Variants in HMCN1 observed in about 807,000 individuals in gnomAD.
HMCN1 encodes hemicentin-1.
In HMCN1, 321 loss-of-function variants were observed where a neutral mutation model predicts 625.9. The ratio of observed to expected loss-of-function variants is 0.51; its 90% confidence interval spans 0.47 to 0.56. The LOEUF is 0.56. Among genes scored for constraint, HMCN1 ranks in the 20% least tolerant of loss-of-function variants. The pLI is 0.00. For synonymous variants in HMCN1, 2,425 were observed against 2,417.6 expected (o/e 1.00, Z -0.09); for missense variants, 6,588 against 6,887.3 (o/e 0.96, Z 1.54).
intron 29 of HMCN1, among the ~76,000 whole-genome samples, chr1:186,005,015 T>C (rs1057046061): frequency 2.0e-5 from 3 of 150,934 alleles, no homozygotes; most frequent in South Asian, 2.1e-4. Flanking sequence ...CTGACACCAT[T>C]GATATATTAA....
intron 11 of HMCN1, among the ~76,000 whole-genome samples, chr1:185,948,207 G>A (rs552013993): frequency 6.6e-6 from 1 of 152,148 alleles, no homozygotes; most frequent in Non-Finnish European, 1.5e-5. Context: ...AAATTCGAAT[G>A]TTCTTTCAGT....
In HMCN1 at chr1:185,967,708, C is replaced by G. The variant is rs540116076; in HGVS notation, c.2212+1793C>G. The stretch of plus-strand genomic sequence containing the variant: ...AGGGGGTTAGGAGCAGGTGGGCTTT[C>G]CAGTCCCACCTCTGCTGAGGACAAG... On this transcript the variant is annotated intron_variant, in intron 14 of 106. Coordinates refer to ENST00000271588, the MANE Select transcript of HMCN1 (RefSeq NM_031935.3). Among the ~76,000 whole-genome samples, 5 of 151,752 alleles carry G rather than the reference C, an allele frequency of 3.3e-5. No homozygotes were observed. In the South Asian group the frequency reaches 1.0e-3, roughly 32 times the overall value.
intron 17 of HMCN1, among the ~76,000 whole-genome samples, chr1:185,981,678 T>C (rs1392423429): frequency 6.6e-6 from 1 of 152,158 alleles, no homozygotes; most frequent in Non-Finnish European, 1.5e-5. Context: ...TTAAAATATG[T>C]CTTCATTAGT....
chr1:186,026,277 A>G (rs572201989), intron 36 of HMCN1, among the ~76,000 whole-genome samples: 74 of 152,348 alleles, frequency 4.9e-4, no homozygotes, highest in South Asian at 1.9e-3. Flanking sequence ...GTGGAAAACT[A>G]TATAAGAATA....
chr1:186,050,174 AG>A (rs1428810745), intron 42 of HMCN1, among the ~76,000 whole-genome samples: 1 of 151,690 alleles, frequency 6.6e-6, no homozygotes, highest in African/African-American at 2.4e-5. Context: ...GAGAAAAAAA[AG>A]AGAGAAAAAA....
chr1:186,075,675 A>AT (rs1484727025), intron 53 of HMCN1, among the ~76,000 whole-genome samples: 1 of 152,126 alleles, frequency 6.6e-6, no homozygotes, highest in African/African-American at 2.4e-5. Context: ...TTTAATAATT[A>AT]TGTCTGTTTC....
intron 68 of HMCN1, among the ~76,000 whole-genome samples, chr1:186,096,600 A>G (rs1341069258): frequency 6.6e-6 from 1 of 152,134 alleles, no homozygotes; most frequent in East Asian, 1.9e-4. Flanking sequence ...GGCAAAAGAA[A>G]ACTACAACCC....
At chr1:185,928,918 C>T (rs541330680) in intron 10 of HMCN1, among the ~76,000 whole-genome samples, 21 of 152,058 alleles carry the variant, frequency 1.4e-4, no homozygotes, top group Admixed American at 1.0e-3. Context: ...TAACAAGAAC[C>T]GTCTCATGGG....
chr1:186,087,676 G>A (rs752493543), intron 60 of HMCN1, 31 bp downstream of exon 60: 1 of 1,593,218 alleles, frequency 6.3e-7, no homozygotes, highest in Non-Finnish European at 8.6e-7. Flanking sequence ...TGAGTGTCAT[G>A]ACACCTTGGT....
chr1:185,927,629 G>T (rs754119558), intron 9 of HMCN1, among the ~76,000 whole-genome samples: 1 of 152,078 alleles, frequency 6.6e-6, no homozygotes, highest in Non-Finnish European at 1.5e-5. Flanking sequence ...GATGGGGAGC[G>T]ATCTAGAGAT....
At chr1:186,059,642 C>T (rs1429890475) in intron 46 of HMCN1, among the ~76,000 whole-genome samples, 2 of 152,034 alleles carry the variant, frequency 1.3e-5, no homozygotes, top group Non-Finnish European at 2.9e-5. Context: ...GGTCTTCAGT[C>T]TCCTGTACAT....
intron 89 of HMCN1, among the ~76,000 whole-genome samples, chr1:186,139,593 G>C (rs539276270): frequency 1.3e-4 from 20 of 148,844 alleles, no homozygotes; most frequent in Admixed American, 4.7e-4. Context: ...TATTCTATTG[G>C]CTTGTTTTTT....
intron 15 of HMCN1, among the ~76,000 whole-genome samples, chr1:185,975,081 C>T (rs532827637): frequency 1.3e-4 from 20 of 152,256 alleles, no homozygotes; most frequent in African/African-American, 4.1e-4. Flanking sequence ...TGTCCATCAC[C>T]GCATTTACCT....
intron 52 of HMCN1, among the ~76,000 whole-genome samples, chr1:186,071,270 G>T (rs1490066662): frequency 1.3e-5 from 2 of 152,026 alleles, no homozygotes; most frequent in African/African-American, 4.8e-5. Flanking sequence ...TTTACAAAAG[G>T]TAATGTTTTA....
At chr1:185,853,424 C>T (rs1372274199) in intron 2 of HMCN1, among the ~76,000 whole-genome samples, 1 of 152,136 alleles carries the variant, frequency 6.6e-6, no homozygotes, top group African/African-American at 2.4e-5. Context: ...GGTACTATAT[C>T]TACTGTAGGT....
chr1:186,093,800 T>C, intron 66 of HMCN1, 131 bp downstream of exon 66: 2 of 1,215,390 alleles, frequency 1.6e-6, no homozygotes, highest in South Asian at 2.7e-5. Context: ...TTAAGTATAT[T>C]TTTAGTAGAG....
chr1:186,151,252 AT>A lies in HMCN1; in HGVS notation c.14664del (p.Phe4888LeufsTer10). On this transcript the variant is annotated frameshift_variant, in exon 94 of 107. Coordinates refer to ENST00000271588, the MANE Select transcript of HMCN1 (RefSeq NM_031935.3). LOFTEE classifies it high-confidence loss of function. Reference protein sequence around the residue: ...SVIGNINDVEFGIAFLNATIT... With the variant: ...SVIGNINDVEXGIAFLNATIT... Reference sequence around the variant, plus strand: ...TTATTGGAAATATTAATGATGTTGAATTTGGAATTGCTTTCCTTAATGCCAC... The same window carrying A: ...TTATTGGAAATATTAATGATGTTGAATTGGAATTGCTTTCCTTAATGCCAC... 6.2e-7 allele frequency: 1 copy of A among 1,613,872 alleles called. No individual in the cohort carries two copies. The highest frequency in any genetic ancestry group is 8.5e-7 in the Non-Finnish European group (1 of 1,179,788).
intron 1 of HMCN1, among the ~76,000 whole-genome samples, chr1:185,742,776 A>G (rs1378658243): frequency 6.6e-6 from 1 of 152,218 alleles, no homozygotes; most frequent in Non-Finnish European, 1.5e-5. Context: ...CTTATTTCTC[A>G]GGATAATAAA....
chr1:185,793,317 C>T (rs1658131318), intron 1 of HMCN1, among the ~76,000 whole-genome samples: 1 of 152,194 alleles, frequency 6.6e-6, no homozygotes, highest in South Asian at 2.1e-4. Flanking sequence ...CCTTTCCCAG[C>T]TTTTAGATGT....
Sources: gnomAD v4.1 joint callset for allele counts (sites outside exome capture counted in the v4.1 genomes callset) on GRCh38, gnomAD v4.1.1 for gene constraint, MANE v1.5 for transcripts, NCBI Gene and HGNC (gene_info 2026-07-23, HGNC 2026-07-21) for gene names.